Variants in CNTNAP5 observed in about 807,000 individuals in gnomAD.
CNTNAP5 encodes contactin-associated protein-like 5.
CNTNAP5 carries 72 observed loss-of-function variants against 150.2 expected under a neutral mutation model. That is an observed-to-expected ratio of 0.48 (90% CI 0.40 to 0.58). The LOEUF is 0.58. Among genes scored for constraint, CNTNAP5 ranks in the 20% least tolerant of loss-of-function variants. The probability of loss-of-function intolerance (pLI) is 0.00; values close to 1 mark genes in which losing one functional copy is unlikely to be tolerated. For missense variants in CNTNAP5, 1,636 were observed against 1,626.2 expected (o/e 1.01, Z -0.10); for synonymous variants, 672 against 619.8 (o/e 1.08, Z -1.25).
chr2:124,329,019 G>A (rs1023910621), intron 3 of CNTNAP5, among the ~76,000 whole-genome samples: 2 of 152,156 alleles, frequency 1.3e-5, no homozygotes, highest in Non-Finnish European at 2.9e-5. Flanking sequence ...GCAAGAAGGA[G>A]ACAGGGAATG....
chr2:124,698,174 A>G lies in CNTNAP5; in HGVS notation c.2078-49055A>G, dbSNP rs143658556. ...GGAATTCCTTTCCTGCAGCATGCAA[A>G]ATGGGTTTGAGGTGGACTAGACTGG... On this transcript the variant is annotated intron_variant, in intron 13 of 23. Transcript: ENST00000682447. Among the ~76,000 whole-genome samples the G allele has an allele frequency of 5.9e-5, 9 of 152,162 alleles. No individual in the cohort carries two copies. In the East Asian group the frequency reaches 1.7e-3, roughly 30 times the overall value.
chr2:124,361,541 G>T (rs1347441889), intron 3 of CNTNAP5, among the ~76,000 whole-genome samples: 1 of 146,016 alleles, frequency 6.8e-6, no homozygotes, highest in East Asian at 2.0e-4. Context: ...AGGACCCTCA[G>T]CTGCAGGTCT....
chr2:124,433,247 A>G (rs2104793459), intron 4 of CNTNAP5, among the ~76,000 whole-genome samples: 1 of 152,332 alleles, frequency 6.6e-6, no homozygotes, highest in Admixed American at 6.5e-5. Flanking sequence ...GGAGGTGCTG[A>G]GAAAGGTGGA....
At chr2:124,527,518 T>G in intron 10 of CNTNAP5, 62 bp downstream of exon 10, 1 of 1,372,862 alleles carries the variant, frequency 7.3e-7, no homozygotes, top group Non-Finnish European at 9.8e-7. Context: ...GTTCTAAATA[T>G]GAGTTTCTTT....
At chr2:124,289,599 C>T (rs543998456) in intron 3 of CNTNAP5, among the ~76,000 whole-genome samples, 1 of 152,308 alleles carries the variant, frequency 6.6e-6, no homozygotes, top group African/African-American at 2.4e-5. Flanking sequence ...CCAATTACCA[C>T]TTACGAACAT....
At chr2:124,066,708 CACTT>C (rs1277711245) in intron 1 of CNTNAP5, among the ~76,000 whole-genome samples, 1 of 151,810 alleles carries the variant, frequency 6.6e-6, no homozygotes, top group Non-Finnish European at 1.5e-5. Context: ...CACTGGAAAA[CACTT>C]AAGAAAACAG....
At chr2:124,777,423 G>T (rs1423173263) in intron 17 of CNTNAP5, among the ~76,000 whole-genome samples, 1 of 152,066 alleles carries the variant, frequency 6.6e-6, no homozygotes, top group Non-Finnish European at 1.5e-5. Context: ...CGCCCAGGCT[G>T]GAGTGCAGTG....
chr2:124,871,803 A>G (rs1677754386), intron 21 of CNTNAP5, among the ~76,000 whole-genome samples: 1 of 152,012 alleles, frequency 6.6e-6, no homozygotes, highest in South Asian at 2.1e-4. Flanking sequence ...AAAATATCTT[A>G]CTTGATATTT....
At chr2:124,753,201 A>C (rs1479249299) in intron 14 of CNTNAP5, among the ~76,000 whole-genome samples, 1 of 152,196 alleles carries the variant, frequency 6.6e-6, no homozygotes, top group Non-Finnish European at 1.5e-5. Context: ...AATCCAAAAA[A>C]GAAAATATTT....
chr2:124,817,317 T>G (rs890112104), intron 19 of CNTNAP5, among the ~76,000 whole-genome samples: 2 of 152,206 alleles, frequency 1.3e-5, no homozygotes, highest in African/African-American at 4.8e-5. Flanking sequence ...CTAAAGTAGA[T>G]GCATTCCATT....
At chr2:124,411,228 A>G (rs868205955) in intron 3 of CNTNAP5, among the ~76,000 whole-genome samples, 29 of 152,304 alleles carry the variant, frequency 1.9e-4, no homozygotes, top group Middle Eastern at 3.4e-3. Context: ...AAATTGTGGC[A>G]ATAATCAATA....
chr2:124,521,581 G>T (rs1041399355), intron 8 of CNTNAP5, among the ~76,000 whole-genome samples: 3 of 152,070 alleles, frequency 2.0e-5, no homozygotes, highest in Non-Finnish European at 2.9e-5. Context: ...TACCTAATTC[G>T]AGGGGACACT....
At chr2:124,619,978 G>C (rs1211308043) in intron 12 of CNTNAP5, among the ~76,000 whole-genome samples, 2 of 147,090 alleles carry the variant, frequency 1.4e-5, no homozygotes, top group African/African-American at 5.2e-5. Context: ...AGGTAGTTCT[G>C]TCTCTGGACA....
At chr2:124,331,720 T>C (rs1689353114) in intron 3 of CNTNAP5, among the ~76,000 whole-genome samples, 1 of 151,774 alleles carries the variant, frequency 6.6e-6, no homozygotes, top group South Asian at 2.1e-4. Context: ...AAATAGATGT[T>C]AAAAAAAATT....
intron 12 of CNTNAP5, among the ~76,000 whole-genome samples, chr2:124,635,756 AC>A (rs1677957805): frequency 6.6e-6 from 1 of 152,164 alleles, no homozygotes; most frequent in Non-Finnish European, 1.5e-5. Flanking sequence ...GCCAAGATTG[AC>A]TGTGGTCCTT....
At chr2:124,092,244 T>TCC (rs1682832676) in intron 1 of CNTNAP5, among the ~76,000 whole-genome samples, 1 of 152,234 alleles carries the variant, frequency 6.6e-6, no homozygotes, top group East Asian at 1.9e-4. Flanking sequence ...AAGCCAGAGT[T>TCC]ACATTTCTGT....
chr2:124,219,705 C>T (rs1020353925), intron 1 of CNTNAP5, among the ~76,000 whole-genome samples: 3 of 152,000 alleles, frequency 2.0e-5, no homozygotes, highest in South Asian at 2.1e-4. Context: ...ATCTGCATTA[C>T]GTTGAATATA....
intron 10 of CNTNAP5, among the ~76,000 whole-genome samples, chr2:124,555,855 T>A (rs900942369): frequency 3.9e-5 from 6 of 152,324 alleles, no homozygotes; most frequent in African/African-American, 1.4e-4. Flanking sequence ...AATTGACATC[T>A]CCTTTCCCAT....
intron 3 of CNTNAP5, among the ~76,000 whole-genome samples, chr2:124,249,056 T>A (rs1687100945): frequency 6.6e-6 from 1 of 152,148 alleles, no homozygotes; most frequent in Non-Finnish European, 1.5e-5. Flanking sequence ...AAAGTGAATG[T>A]CTCCAAAACC....
Sources: gnomAD v4.1 joint callset for allele counts (sites outside exome capture counted in the v4.1 genomes callset) on GRCh38, gnomAD v4.1.1 for gene constraint, MANE v1.5 for transcripts, NCBI Gene and HGNC (gene_info 2026-07-23, HGNC 2026-07-21) for gene names.